SRFBP1: variants seen among roughly 807,000 people sequenced by gnomAD.
SRFBP1 encodes serum response factor-binding protein 1.
Under a neutral mutation model 45.5 loss-of-function variants are expected in SRFBP1, and 47 were observed. That is an observed-to-expected ratio of 1.03 (90% CI 0.82 to 1.32). SRFBP1 has a LOEUF of 1.32. SRFBP1 is among the 40% of genes most tolerant of loss of function. The probability of loss-of-function intolerance (pLI) is 0.00; values close to 1 mark genes in which losing one functional copy is unlikely to be tolerated. For synonymous variants in SRFBP1, 203 were observed against 166.3 expected (o/e 1.22, Z -1.70); for missense variants, 621 against 484.6 (o/e 1.28, Z -2.64).
At position 122,034,140 on chromosome 5, in the gene SRFBP1, A is replaced by T. The variant is rs572436127; in HGVS notation, n.311+11733A>T. 2.0e-5 allele frequency among the ~76,000 whole-genome samples: 3 copies of T among 152,248 alleles called. No homozygotes were observed. The East Asian group carries it at 5.8e-4, about 29-fold the overall frequency. On this transcript the variant is annotated intron_variant and non_coding_transcript_variant, in intron 2 of 2. Transcript: ENST00000504881. ...CGCCCGGCCTATTTTTAGCCTTTCT[A>T]AATAATTGTTTTAGGTGTTTCTCTT...
In SRFBP1 at chr5:122,066,462, A is replaced by T. The variant is rs555245090; in HGVS notation, n.312-8853A>T. The T allele has an allele frequency of 5.2e-4, 183 of 350,580 alleles. 3 individuals carry two copies. The South Asian group carries it at 0.015, about 28-fold the overall frequency. The allele number at this position is 350,580 out of a possible 1,614,324, so 21.7% of individuals were successfully genotyped here. A position where few individuals can be genotyped will look rare whatever the true frequency, so the allele number is the denominator to read the frequency against. On this transcript the variant is annotated intron_variant and non_coding_transcript_variant, in intron 2 of 2. Coordinates refer to the SRFBP1 transcript ENST00000504881. ...TTCAAAAGGAACATGAGAAATTTGG[A>T]TTTCTTTGAAAGAGTCAAATATGTA...
Position 121,999,212 on chromosome 5 carries a change from T to G in SRFBP1, c.270+4542T>G, listed in dbSNP as rs145697410. ...AGTTTAAAATGTTTTAAATTTCCTT[T>G]GAACCCTCTTTGATTCATGGTTTAA... On this transcript the variant is annotated intron_variant, in intron 4 of 7. Coordinates refer to ENST00000339397, the MANE Select transcript of SRFBP1 (RefSeq NM_152546.3). Among the ~76,000 whole-genome samples, 907 of 152,314 alleles carry G rather than the reference T, an allele frequency of 6.0e-3. 9 individuals carry two copies. Among genetic ancestry groups the G allele is most frequent in the African/African-American group, 0.02 (843 of 41,588 alleles).
downstream of SRFBP1, among the ~76,000 whole-genome samples, chr5:122,078,697 T>C (rs1297237805): frequency 6.6e-6 from 1 of 152,082 alleles, no homozygotes; most frequent in Non-Finnish European, 1.5e-5. Flanking sequence ...CTAAAGTTTA[T>C]CCATAAAAGA....
chr5:122,010,858 A>G (rs552071143), intron 4 of SRFBP1, among the ~76,000 whole-genome samples: 13 of 152,240 alleles, frequency 8.5e-5, no homozygotes, highest in African/African-American at 2.9e-4. Flanking sequence ...TTTCCTTCCT[A>G]TGGAAAAGAT....
chr5:122,050,184 A>C (rs536187082), intron 2 of SRFBP1, among the ~76,000 whole-genome samples: 5 of 152,210 alleles, frequency 3.3e-5, no homozygotes, highest in African/African-American at 1.2e-4. Context: ...ATGTTCATCA[A>C]GGATATTGGC....
chr5:122,053,092 C>T (rs1754017434), intron 2 of SRFBP1, among the ~76,000 whole-genome samples: 1 of 152,062 alleles, frequency 6.6e-6, no homozygotes, highest in African/African-American at 2.4e-5. Context: ...CTTAGGCAGG[C>T]CCCACAGTTG....
chr5:122,058,543 TGTGTGTGTG>T (rs1317237445), intron 2 of SRFBP1, among the ~76,000 whole-genome samples: 95 of 151,272 alleles, frequency 6.3e-4, no homozygotes, highest in African/African-American at 2.2e-3. Flanking sequence ...TGTGTGTGTG[TGTGTGTGTG>T]TGTGTGTGTG....
At chr5:122,014,445 C>G (rs1387471301) in intron 4 of SRFBP1, among the ~76,000 whole-genome samples, 1 of 152,038 alleles carries the variant, frequency 6.6e-6, no homozygotes, top group African/African-American at 2.4e-5. Context: ...GGGGATTATG[C>G]AACACGGTGG....
At chr5:122,075,531 T>C (rs748534817) in exon 3 of SRFBP1, 1 of 1,601,714 alleles carries the variant, frequency 6.2e-7, no homozygotes, top group Non-Finnish European at 8.5e-7. Context: ...ACATCTGCCC[T>C]GTATGCTGTA....
chr5:121,992,885 A>AG (rs143577776), intron 3 of SRFBP1, among the ~76,000 whole-genome samples: 6,791 of 152,134 alleles, frequency 0.045, 178 homozygotes, highest in African/African-American at 0.061. Flanking sequence ...AAAGTAAAAC[A>AG]GTGAATGAGC....
intron 4 of SRFBP1, among the ~76,000 whole-genome samples, chr5:122,007,115 A>G (rs757992827): frequency 2.0e-5 from 3 of 152,032 alleles, no homozygotes; most frequent in South Asian, 4.1e-4. Context: ...GCATGATTTG[A>G]GGGCAGGCTT....
chr5:122,011,747 A>G (rs1007637914), intron 4 of SRFBP1, among the ~76,000 whole-genome samples: 1 of 152,128 alleles, frequency 6.6e-6, no homozygotes, highest in African/African-American at 2.4e-5. Context: ...AAGAGGGAAG[A>G]AGTTAAGTGA....
chr5:122,068,980 G>A (rs1368011543), intron 2 of SRFBP1, among the ~76,000 whole-genome samples: 1 of 152,024 alleles, frequency 6.6e-6, no homozygotes, highest in African/African-American at 2.4e-5. Context: ...CACACAATAT[G>A]GGCCATAAAA....
Position 122,020,504 on chromosome 5 carries a change from G to T in SRFBP1, c.769G>T (p.Glu257Ter). The T allele has an allele frequency of 6.2e-7, 1 of 1,614,116 alleles. No individual in the cohort carries two copies. Among genetic ancestry groups the T allele is most frequent in the Non-Finnish European group, 8.5e-7 (1 of 1,179,994 alleles). The change falls in exon 6 of 8, where the codon GAG becomes TAG. Residue 257 changes from glutamate to a stop codon, truncating the protein, a stop_gained. Transcript: ENST00000339397. LOFTEE classifies it high-confidence loss of function. The stretch of plus-strand genomic sequence containing the variant: ...TGGCGGAGAAGAATTTTGTGAAGAG[G>T]AGAAGGAATATTTTGATGATAGCAC... Reference protein sequence around the residue: ...SDGGEEFCEEEKEYFDDSTEE... With the variant: ...SDGGEEFCEE
At chr5:122,002,828 G>A (rs575352455) in intron 4 of SRFBP1, among the ~76,000 whole-genome samples, 3 of 152,208 alleles carry the variant, frequency 2.0e-5, no homozygotes. Context: ...AAAGTTCTTT[G>A]AACTGGATGA....
At chr5:121,988,610 T>C (rs1286584446) in intron 3 of SRFBP1, among the ~76,000 whole-genome samples, 1 of 152,256 alleles carries the variant, frequency 6.6e-6, no homozygotes, top group Admixed American at 6.5e-5. Context: ...TTTTATTGGC[T>C]GTTAGTCACG....
intron 2 of SRFBP1, chr5:122,070,780 A>G: frequency 2.2e-6 from 1 of 453,168 alleles, no homozygotes; most frequent in Admixed American, 3.6e-5. Flanking sequence ...TAAAAAAGAT[A>G]CAGGACTAAT....
intron 4 of SRFBP1, among the ~76,000 whole-genome samples, chr5:121,995,656 T>A (rs1752708702): frequency 6.6e-6 from 1 of 151,798 alleles, no homozygotes; most frequent in Admixed American, 6.6e-5. Context: ...AAGAAATAAC[T>A]AAAATCAGAG....
intron 2 of SRFBP1, among the ~76,000 whole-genome samples, chr5:122,059,730 G>C (rs1754141990): frequency 6.6e-6 from 1 of 151,982 alleles, no homozygotes; most frequent in African/African-American, 2.4e-5. Context: ...CCCAGCCTTT[G>C]GACTGTACTT....
Sources: allele counts gnomAD v4.1 joint callset (sites outside exome capture counted in the v4.1 genomes callset), GRCh38; gene constraint gnomAD v4.1.1; transcripts MANE v1.5; gene names NCBI Gene and HGNC (gene_info 2026-07-23, HGNC 2026-07-21).